Variants in TTC7B observed in about 807,000 individuals in gnomAD.
TTC7B encodes the protein tetratricopeptide repeat protein 7B.
TTC7B carries 28 observed loss-of-function variants against 106.8 expected under a neutral mutation model. The ratio of observed to expected loss-of-function variants is 0.26; its 90% confidence interval spans 0.19 to 0.36. TTC7B has a LOEUF of 0.36. Among genes scored for constraint, TTC7B ranks in the 10% least tolerant of loss-of-function variants. The probability of loss-of-function intolerance (pLI) is 1.00; values close to 1 mark genes in which losing one functional copy is unlikely to be tolerated. For missense variants in TTC7B, 862 were observed against 1,076.4 expected (o/e 0.80, Z 2.79); for synonymous variants, 405 against 430.6 (o/e 0.94, Z 0.74).
chr14:90,527,034 G>A lies in TTC7B; in HGVS notation c.*14334C>T, dbSNP rs1379512171. On this transcript the variant is annotated 3_prime_UTR_variant, in exon 20 of 20. Transcript: ENST00000328459. ...TTTTTCATGCTCTTGGTAGTTTTGA[G>A]GGGTATTGGTCAGGTATTTTGTAGA... is the stretch of plus-strand genomic sequence containing the variant. 3 of 152,086 alleles carry A rather than the reference G, an allele frequency of 2.0e-5. No individual in the cohort carries two copies. Among genetic ancestry groups the A allele is most frequent in the Admixed American group, 2.0e-4 (3 of 15,266 alleles). The allele number at this position is 152,086 out of a possible 1,614,324, so 9.4% of individuals were successfully genotyped here. A position where few individuals can be genotyped will look rare whatever the true frequency, so the allele number is the denominator to read the frequency against.
intron 9 of TTC7B, 41 bp from the exon 10 acceptor site, chr14:90,658,428 A>C (rs758986805): frequency 6.4e-7 from 1 of 1,564,816 alleles, no homozygotes; most frequent in Non-Finnish European, 8.8e-7. Flanking sequence ...TCTGAGAATC[A>C]CTGGTGCCAC....
chr14:90,737,978 G>T (rs955623021), intron 4 of TTC7B, among the ~76,000 whole-genome samples: 3 of 152,252 alleles, frequency 2.0e-5, no homozygotes, highest in African/African-American at 4.8e-5. Context: ...TGAGTGCAAG[G>T]TTTCTTTCTG....
chr14:90,708,710 T>G (rs1023144524), intron 5 of TTC7B, among the ~76,000 whole-genome samples: 1 of 152,238 alleles, frequency 6.6e-6, no homozygotes, highest in African/African-American at 2.4e-5. Flanking sequence ...ATCCATTCTG[T>G]AGCCCAAGGG....
rs1324341264 is a variant in TTC7B, at chr14:90,730,167, G to A, written c.606C>T (p.Ser202=). 6.2e-7 allele frequency: 1 copy of A among 1,610,096 alleles called. No homozygotes were observed. Among genetic ancestry groups the A allele is most frequent in the South Asian group, 1.1e-5 (1 of 90,278 alleles). The change falls in exon 5 of 20, where the codon AGC becomes AGT. Residue 202 remains serine (S), a synonymous_variant. Transcript: ENST00000328459. Reference sequence around the variant, plus strand: ...CGTGGGGAGCAGGGCCAGGCTTAGGGCTTCTGTTTTGAATATTAGAAAGTA... The same window carrying A: ...CGTGGGGAGCAGGGCCAGGCTTAGGACTTCTGTTTTGAATATTAGAAAGTA... ...RVILSNIQNR[S]PKPGPAPHDQ...
At chr14:90,563,950 T>C (rs914794063) in intron 19 of TTC7B, among the ~76,000 whole-genome samples, 3 of 152,090 alleles carry the variant, frequency 2.0e-5, no homozygotes, top group South Asian at 4.2e-4. Flanking sequence ...TGCTGTTGTT[T>C]CCTCCAACAA....
At position 90,608,732 on chromosome 14, in the gene TTC7B, G is replaced by C. The variant is rs1329190461; in HGVS notation, c.1966+2010C>G. Among the ~76,000 whole-genome samples, 1 of 152,166 alleles carries C rather than the reference G, an allele frequency of 6.6e-6. No individual in the cohort carries two copies. The highest frequency in any genetic ancestry group is 1.9e-4 in the East Asian group (1 of 5,194). ...TGAATCTGAAGAGGGAGACTCTCAA[G>C]CACTCTAGGAAAAATGTCCCAATGG... On this transcript the variant is annotated intron_variant, in intron 17 of 19. Transcript: ENST00000328459. The surrounding 1 kb of genome is among the most constrained non-coding windows in gnomAD (Gnocchi z 5.1).
At chr14:90,723,909 G>A (rs563223705) in intron 5 of TTC7B, among the ~76,000 whole-genome samples, 3 of 152,252 alleles carry the variant, frequency 2.0e-5, no homozygotes, top group Non-Finnish European at 4.4e-5. Context: ...ACAAATACTC[G>A]TTGAATAACT....
chr14:90,734,703 G>T (rs1465883997), intron 4 of TTC7B, among the ~76,000 whole-genome samples: 1 of 152,088 alleles, frequency 6.6e-6, no homozygotes, highest in East Asian at 1.9e-4. Flanking sequence ...AGAGTTCTCT[G>T]AGAATTCCCA....
intron 3 of TTC7B, among the ~76,000 whole-genome samples, chr14:90,748,472 T>G (rs943866409): frequency 6.6e-6 from 1 of 151,782 alleles, no homozygotes; most frequent in Non-Finnish European, 1.5e-5. Context: ...GGACTACAGG[T>G]GCACACCACC....
chr14:90,610,331 C>T (rs572579920), intron 17 of TTC7B, among the ~76,000 whole-genome samples: 5 of 152,332 alleles, frequency 3.3e-5, no homozygotes, highest in South Asian at 2.1e-4. Context: ...TGCCACCCTA[C>T]GGGGTCTTGT....
At chr14:90,584,151 G>A (rs1313157850) in intron 18 of TTC7B, among the ~76,000 whole-genome samples, 1 of 152,132 alleles carries the variant, frequency 6.6e-6, no homozygotes, top group East Asian at 1.9e-4. Flanking sequence ...TCTGCCTTGC[G>A]CACAGAGGGC....
intron 7 of TTC7B, among the ~76,000 whole-genome samples, chr14:90,683,866 G>A (rs1262085331): frequency 6.6e-6 from 1 of 152,182 alleles, no homozygotes; most frequent in Non-Finnish European, 1.5e-5. Flanking sequence ...CTTTGGTTCG[G>A]CCATCAAGAA....
At position 90,780,851 on chromosome 14, in the gene TTC7B, C is replaced by T; in HGVS notation, c.332G>A (p.Gly111Asp). 3.1e-6 allele frequency: 5 copies of T among 1,614,234 alleles called. No individual in the cohort carries two copies. The highest frequency in any genetic ancestry group is 4.2e-6 in the Non-Finnish European group (5 of 1,180,020). ...AATGTTCAGAGCTTCTTTATAATCACCTTCCACATAATTCAACTTGGCCAT... is the reference window on the plus strand; with the variant it reads ...AATGTTCAGAGCTTCTTTATAATCATCTTCCACATAATTCAACTTGGCCAT... ...LIMAKLNYVEGDYKEALNIYA... is the reference protein window; with the variant it reads ...LIMAKLNYVEDDYKEALNIYA... Residue 111 changes from glycine to aspartate, a missense_variant, in exon 3 of 20, where the codon GGT becomes GAT. Coordinates refer to ENST00000328459, the MANE Select transcript of TTC7B (RefSeq NM_001010854.2).
chr14:90,588,070 T>C (rs537215150), intron 18 of TTC7B, among the ~76,000 whole-genome samples: 12 of 152,326 alleles, frequency 7.9e-5, no homozygotes, highest in African/African-American at 2.9e-4. Context: ...GGACGTCGTG[T>C]TCCCTCTCAC....
At chr14:90,709,126 G>C (rs1332882730) in intron 5 of TTC7B, among the ~76,000 whole-genome samples, 1 of 152,246 alleles carries the variant, frequency 6.6e-6, no homozygotes, top group Non-Finnish European at 1.5e-5. Flanking sequence ...AAGTTGGTGT[G>C]GTGATTCCTC....
chr14:90,616,621 T>C (rs1400940396), intron 16 of TTC7B, among the ~76,000 whole-genome samples: 1 of 152,170 alleles, frequency 6.6e-6, no homozygotes, highest in Non-Finnish European at 1.5e-5. Context: ...CCGCAGGGCC[T>C]GGGGTCACGG....
rs1357440001 is a variant in TTC7B, at chr14:90,531,535, C to T, written c.*9833G>A. 1 of 150,482 alleles carries T rather than the reference C, an allele frequency of 6.6e-6. No homozygotes were observed. Among genetic ancestry groups the T allele is most frequent in the African/African-American group, 2.4e-5 (1 of 40,852 alleles). The allele number at this position is 150,482 out of a possible 1,614,324, so 9.3% of individuals were successfully genotyped here. ...TCGGGAGGCTGAGTCAGGAGAACAG[C>T]TTGAACCCAGGAGGCGGAGGTTGCA... On this transcript the variant is annotated 3_prime_UTR_variant, in exon 20 of 20. Coordinates refer to ENST00000328459, the MANE Select transcript of TTC7B (RefSeq NM_001010854.2).
At chr14:90,814,698 A>G (rs1483471239) in intron 1 of TTC7B, among the ~76,000 whole-genome samples, 3 of 152,166 alleles carry the variant, frequency 2.0e-5, no homozygotes, top group African/African-American at 7.2e-5. Context: ...CAACTCCGAG[A>G]GGAAAAGAGA....
intron 6 of TTC7B, among the ~76,000 whole-genome samples, chr14:90,691,678 T>C (rs997111319): frequency 2.0e-5 from 3 of 152,220 alleles, no homozygotes; most frequent in Admixed American, 6.5e-5. Context: ...CCTTTTTGTG[T>C]GTGTATGTGT....
Sources: allele counts gnomAD v4.1 joint callset (sites outside exome capture counted in the v4.1 genomes callset), GRCh38; gene constraint gnomAD v4.1.1; non-coding constraint Gnocchi (gnomAD v3.1); transcripts MANE v1.5; gene names NCBI Gene and HGNC (gene_info 2026-07-23, HGNC 2026-07-21).